The following EYS variants were observed in gnomAD, a reference collection of about 807,000 sequenced individuals.
EYS encodes the protein protein eyes shut homolog.
Under a neutral mutation model 282.1 loss-of-function variants are expected in EYS, and 250 were observed. The ratio of observed to expected loss-of-function variants is 0.89; its 90% confidence interval spans 0.80 to 0.98. EYS has a LOEUF of 0.98. Among genes scored for constraint, EYS ranks in the 50% least tolerant of loss-of-function variants. EYS has a pLI of 0.00. For missense variants in EYS, 4,016 were observed against 3,709.0 expected, an observed-to-expected ratio of 1.08 and a Z score of -2.15; for synonymous variants, 1,355 against 1,282.9, an observed-to-expected ratio of 1.06 and a Z score of -1.20.
At chr6:64,545,021 G>A (rs1261476476) in intron 26 of EYS, among the ~76,000 whole-genome samples, 1 of 152,182 alleles carries the variant, frequency 6.6e-6, no homozygotes, top group Non-Finnish European at 1.5e-5. Flanking sequence ...CTCATTTTAT[G>A]AGGCCAGCAT....
intron 29 of EYS, among the ~76,000 whole-genome samples, chr6:64,368,509 A>G (rs981344302): frequency 6.6e-6 from 1 of 152,014 alleles, no homozygotes. Context: ...GAAATTGCCA[A>G]CTAATTTGCA....
chr6:63,770,457 A>G (rs1160757679), intron 40 of EYS, among the ~76,000 whole-genome samples: 2 of 152,168 alleles, frequency 1.3e-5, no homozygotes, highest in African/African-American at 2.4e-5. Flanking sequence ...AAGCACAGAC[A>G]CAAAATCTAT....
intron 26 of EYS, among the ~76,000 whole-genome samples, chr6:64,441,235 C>A (rs2150468121): frequency 6.6e-6 from 1 of 152,060 alleles, no homozygotes; most frequent in Non-Finnish European, 1.5e-5. Context: ...TGAAGAGGAC[C>A]AATAATTAAC....
At chr6:65,009,177 T>C (rs1214057419) in intron 13 of EYS, among the ~76,000 whole-genome samples, 1 of 151,888 alleles carries the variant, frequency 6.6e-6, no homozygotes, top group Non-Finnish European at 1.5e-5. Flanking sequence ...CCTGTTCAAG[T>C]AAAACTAAGG....
chr6:64,762,517 G>A (rs796433065), intron 22 of EYS, among the ~76,000 whole-genome samples: 7 of 152,286 alleles, frequency 4.6e-5, no homozygotes, highest in African/African-American at 1.7e-4. Context: ...CTCTGCCTCT[G>A]TTGACAGTAA....
intron 8 of EYS, 59 bp from the exon 9 acceptor site, chr6:65,353,676 T>C (rs1582176592): frequency 8.4e-6 from 12 of 1,430,396 alleles, no homozygotes; most frequent in Admixed American, 1.7e-5. Context: ...TTTCAATATA[T>C]ACATATAACA....
At position 63,812,162 on chromosome 6, in the gene EYS, A is replaced by G. The variant is rs917881584; in HGVS notation, c.7229-5790T>C. ...TCCTGAACATAGCCTAAATCTCCCA[A>G]TCTCCAGATTTATTTTATACTCGTT... is the stretch of plus-strand genomic sequence containing the variant. On this transcript the variant is annotated intron_variant, in intron 36 of 42. Coordinates refer to ENST00000503581, the MANE Select transcript of EYS (RefSeq NM_001142800.2). 3.9e-5 allele frequency among the ~76,000 whole-genome samples: 6 copies of G among 152,146 alleles called. No individual in the cohort carries two copies. The South Asian group carries it at 8.3e-4, about 21-fold the overall frequency.
chr6:64,943,651 G>C (rs1343377580), intron 15 of EYS, among the ~76,000 whole-genome samples: 1 of 152,062 alleles, frequency 6.6e-6, no homozygotes, highest in Non-Finnish European at 1.5e-5. Context: ...ATCTAATCAA[G>C]GATGTGAAAG....
At chr6:64,376,716 C>A (rs1452492216) in intron 29 of EYS, among the ~76,000 whole-genome samples, 1 of 152,154 alleles carries the variant, frequency 6.6e-6, no homozygotes, top group African/African-American at 2.4e-5. Flanking sequence ...CCCACAGGCA[C>A]TTTAGACTAA....
At chr6:64,523,057 T>A (rs563434199) in intron 26 of EYS, among the ~76,000 whole-genome samples, 77 of 151,806 alleles carry the variant, frequency 5.1e-4, no homozygotes, top group African/African-American at 1.7e-3. Context: ...CTGTTTTTTT[T>A]TTCCCCCTAC....
At chr6:63,799,017 ATAT>A (rs2149675588) in intron 37 of EYS, among the ~76,000 whole-genome samples, 1 of 136,318 alleles carries the variant, frequency 7.3e-6, no homozygotes, top group African/African-American at 2.8e-5. Flanking sequence ...ATATATATAT[ATAT>A]AATTTTTTTT....
At chr6:64,508,791 G>T (rs1777293758) in intron 26 of EYS, among the ~76,000 whole-genome samples, 1 of 151,876 alleles carries the variant, frequency 6.6e-6, no homozygotes, top group Non-Finnish European at 1.5e-5. Context: ...TGCTACCTAA[G>T]CTCTCCAGTA....
At chr6:65,505,704 A>G (rs1041122926) in intron 2 of EYS, among the ~76,000 whole-genome samples, 6 of 152,036 alleles carry the variant, frequency 3.9e-5, no homozygotes, top group Non-Finnish European at 2.9e-5. Flanking sequence ...CATTTCTTCA[A>G]CTATCTTTCT....
At chr6:64,330,455 C>A (rs764940420) in intron 29 of EYS, among the ~76,000 whole-genome samples, 1 of 152,150 alleles carries the variant, frequency 6.6e-6, no homozygotes, top group Non-Finnish European at 1.5e-5. Flanking sequence ...GAGCAGGACA[C>A]GGCCTTCAAA....
chr6:64,869,016 T>G lies in EYS; in HGVS notation c.2992+17681A>C, dbSNP rs575150661. On this transcript the variant is annotated intron_variant, in intron 19 of 42. Transcript: ENST00000503581. ...GCCTTTTAATCCTTTAAACTGTAAT[T>G]TATTAATTAGGTAATATGCTAGAAA... Among the ~76,000 whole-genome samples, 8 of 151,698 alleles carry G rather than the reference T, an allele frequency of 5.3e-5. No individual in the cohort carries two copies. In the South Asian group the frequency reaches 1.7e-3, roughly 31 times the overall value.
At chr6:65,392,423 C>G (rs1766079641) in intron 7 of EYS, among the ~76,000 whole-genome samples, 1 of 152,176 alleles carries the variant, frequency 6.6e-6, no homozygotes, top group Non-Finnish European at 1.5e-5. Context: ...ATCTACTCAT[C>G]TGACAAAGGG....
chr6:64,537,204 G>A (rs1282635993), intron 26 of EYS, among the ~76,000 whole-genome samples: 4 of 125,990 alleles, frequency 3.2e-5, no homozygotes, highest in Non-Finnish European at 6.3e-5. Flanking sequence ...TCCCCTTCCT[G>A]TGTCCATGTG....
intron 12 of EYS, among the ~76,000 whole-genome samples, chr6:65,091,964 A>G (rs982880783): frequency 2.0e-5 from 3 of 152,094 alleles, no homozygotes; most frequent in Non-Finnish European, 4.4e-5. Context: ...CCACCCATCT[A>G]CTGACTTCCC....
At chr6:64,930,063 GA>G (rs1415566158) in intron 15 of EYS, among the ~76,000 whole-genome samples, 1 of 152,028 alleles carries the variant, frequency 6.6e-6, no homozygotes, top group Non-Finnish European at 1.5e-5. Flanking sequence ...TGAATTTACT[GA>G]ATCTGTCCAA....
Sources: allele counts gnomAD v4.1 joint callset (sites outside exome capture counted in the v4.1 genomes callset), GRCh38; gene constraint gnomAD v4.1.1; transcripts MANE v1.5; gene names NCBI Gene and HGNC (gene_info 2026-07-23, HGNC 2026-07-21).